The following PCSK5 variants were observed in gnomAD, a reference collection of about 807,000 sequenced individuals.
PCSK5 encodes the protein prohormone convertase 5.
A neutral mutation model predicts 233.2 loss-of-function variants in PCSK5; 129 were observed. The observed-to-expected ratio is 0.55, with a 90% CI of 0.48 to 0.64. The LOEUF is 0.64. Among genes scored for constraint, PCSK5 ranks in the 30% least tolerant of loss-of-function variants. The pLI, the probability that PCSK5 is intolerant of heterozygous loss-of-function variation, is 0.00. For missense variants in PCSK5, 2,076 were observed against 2,430.1 expected, an observed-to-expected ratio of 0.85 and a Z score of 3.06; for synonymous variants, 825 against 879.2, an observed-to-expected ratio of 0.94 and a Z score of 1.09.
intron 5 of PCSK5, among the ~76,000 whole-genome samples, chr9:76,028,037 T>C (rs1828502351): frequency 6.6e-6 from 1 of 152,216 alleles, no homozygotes; most frequent in Non-Finnish European, 1.5e-5. Flanking sequence ...TGTACCTATG[T>C]GGTTTTTCTT....
chr9:76,057,067 A>G (rs995449835), intron 5 of PCSK5, among the ~76,000 whole-genome samples: 2 of 152,178 alleles, frequency 1.3e-5, no homozygotes, highest in African/African-American at 2.4e-5. Flanking sequence ...TATAATGAAT[A>G]TATTGTTTTT....
At chr9:76,213,770 G>A (rs1045225305) in intron 20 of PCSK5, among the ~76,000 whole-genome samples, 10 of 151,554 alleles carry the variant, frequency 6.6e-5, no homozygotes, top group Admixed American at 2.0e-4. Context: ...CATTTCTCTC[G>A]AACTCAGTTT....
At chr9:76,277,316 A>C (rs1827724998) in intron 24 of PCSK5, among the ~76,000 whole-genome samples, 1 of 152,196 alleles carries the variant, frequency 6.6e-6, no homozygotes, top group African/African-American at 2.4e-5. Flanking sequence ...TACGTGAATG[A>C]ATGTACAGCG....
At chr9:76,062,260 T>G (rs538419342) in intron 5 of PCSK5, among the ~76,000 whole-genome samples, 1 of 151,262 alleles carries the variant, frequency 6.6e-6, no homozygotes, top group Non-Finnish European at 1.5e-5. Flanking sequence ...AAAAAAAAAA[T>G]GAAATTGTGT....
At chr9:76,098,566 C>T (rs1831630041) in intron 8 of PCSK5, among the ~76,000 whole-genome samples, 1 of 152,226 alleles carries the variant, frequency 6.6e-6, no homozygotes, top group Non-Finnish European at 1.5e-5. Flanking sequence ...TAAGAGTTCT[C>T]GTTTTTTACC....
chr9:75,996,294 G>GA (rs1422933681), intron 3 of PCSK5, among the ~76,000 whole-genome samples: 5 of 151,824 alleles, frequency 3.3e-5, no homozygotes, highest in African/African-American at 1.2e-4. Context: ...TTTTTTCCAA[G>GA]AACCTATATT....
chr9:76,062,904 T>C (rs903702617), intron 5 of PCSK5, among the ~76,000 whole-genome samples: 5 of 152,168 alleles, frequency 3.3e-5, no homozygotes, highest in Admixed American at 3.3e-4. Context: ...ATTCCTAATA[T>C]CTGACTGTAT....
intron 7 of PCSK5, among the ~76,000 whole-genome samples, chr9:76,093,080 C>CTT (rs71372045): frequency 2.4e-3 from 209 of 85,646 alleles, no homozygotes; most frequent in East Asian, 3.4e-3. Flanking sequence ...TTGTCTTTCC[C>CTT]TTTTTTTTTT....
At chr9:76,344,896 C>CA (rs1332164617) in intron 35 of PCSK5, among the ~76,000 whole-genome samples, 2 of 146,280 alleles carry the variant, frequency 1.4e-5, no homozygotes, top group Non-Finnish European at 3.1e-5. Flanking sequence ...CAAAACAGGA[C>CA]GACACCAGCC....
intron 9 of PCSK5, among the ~76,000 whole-genome samples, chr9:76,122,960 C>T (rs1437290989): frequency 1.3e-5 from 2 of 151,376 alleles, no homozygotes; most frequent in Non-Finnish European, 3.0e-5. Flanking sequence ...GTCTCAGCCT[C>T]CCGAGTAGCT....
intron 3 of PCSK5, among the ~76,000 whole-genome samples, chr9:75,987,426 G>A (rs1826565494): frequency 6.6e-6 from 1 of 152,056 alleles, no homozygotes; most frequent in African/African-American, 2.4e-5. Flanking sequence ...TGGGGGGGCG[G>A]GTCTCTTGAG....
At chr9:76,343,114 T>C (rs1829880319) in intron 35 of PCSK5, among the ~76,000 whole-genome samples, 1 of 151,844 alleles carries the variant, frequency 6.6e-6, no homozygotes, top group African/African-American at 2.4e-5. Flanking sequence ...ACAACAAATA[T>C]AATGATACAT....
At chr9:76,266,440 T>C (rs1290101822) in intron 24 of PCSK5, among the ~76,000 whole-genome samples, 1 of 152,234 alleles carries the variant, frequency 6.6e-6, no homozygotes, top group Non-Finnish European at 1.5e-5. Context: ...TTTCTAAATG[T>C]GTGCCTATTT....
rs1369237590 is a variant in PCSK5 at position 76,359,880 on chromosome 9, T to C, written c.*958T>C. The C allele has an allele frequency of 6.6e-6, 1 of 151,940 alleles. No individual in the cohort carries two copies. Among genetic ancestry groups the C allele is most frequent in the Non-Finnish European group, 1.5e-5 (1 of 68,000 alleles). The allele number at this position is 151,940 out of a possible 1,614,324, so 9.4% of individuals were successfully genotyped here. On this transcript the variant is annotated 3_prime_UTR_variant, in exon 38 of 38. Transcript: ENST00000674117. ...CAATAGAAAGAGTTGGAATAGAGTC[T>C]AACATGGAAAAAAAAAAATCCCAAT...
intron 35 of PCSK5, among the ~76,000 whole-genome samples, chr9:76,345,644 G>A (rs1395852190): frequency 2.0e-5 from 3 of 151,616 alleles, no homozygotes; most frequent in South Asian, 4.2e-4. Flanking sequence ...GGATGGTCTC[G>A]ATCTCCTGAC....
chr9:76,124,975 C>G (rs1196029649), intron 9 of PCSK5, among the ~76,000 whole-genome samples: 1 of 152,028 alleles, frequency 6.6e-6, no homozygotes, highest in Non-Finnish European at 1.5e-5. Context: ...TCCATAAGCT[C>G]CATATTATTG....
chr9:76,102,558 G>T (rs182349429), intron 8 of PCSK5, among the ~76,000 whole-genome samples: 1 of 152,128 alleles, frequency 6.6e-6, no homozygotes, highest in Non-Finnish European at 1.5e-5. Context: ...CAAGTTTTCA[G>T]ATTAGAGATG....
chr9:76,332,077 C>T (rs941274634), intron 33 of PCSK5, among the ~76,000 whole-genome samples: 1 of 152,192 alleles, frequency 6.6e-6, no homozygotes, highest in Non-Finnish European at 1.5e-5. Flanking sequence ...TCCACAGGCG[C>T]CGGACTGTAG....
intron 12 of PCSK5, among the ~76,000 whole-genome samples, chr9:76,162,860 C>T (rs1038680681): frequency 1.5e-4 from 23 of 152,164 alleles, no homozygotes; most frequent in African/African-American, 5.5e-4. Context: ...TCCAACACTG[C>T]ACACTTAACT....
Sources: allele counts gnomAD v4.1 joint callset (sites outside exome capture counted in the v4.1 genomes callset), GRCh38; gene constraint gnomAD v4.1.1; transcripts MANE v1.5; gene names NCBI Gene and HGNC (gene_info 2026-07-23, HGNC 2026-07-21).